TARS3: variants seen among roughly 807,000 people sequenced by gnomAD.
TARS3 encodes the protein threonyl-tRNA synthetase 3.
Under a neutral mutation model 103.5 loss-of-function variants are expected in TARS3, and 94 were observed. That is an observed-to-expected ratio of 0.91 (90% CI 0.77 to 1.08). The LOEUF (loss-of-function observed/expected upper bound fraction) is 1.08, where lower values mean the gene tolerates loss of function less well. Ranked by LOEUF, TARS3 falls within the 50% of genes least tolerant of loss-of-function variation. The probability of loss-of-function intolerance (pLI) is 0.00; values close to 1 mark genes in which losing one functional copy is unlikely to be tolerated. For synonymous variants in TARS3, 416 were observed against 355.4 expected (o/e 1.17, Z -1.92); for missense variants, 952 against 995.2 (o/e 0.96, Z 0.58).
rs1239292706 is a variant in TARS3, at chr15:101,675,505, A to G, written c.1788+95T>C. The G allele has an allele frequency of 1.3e-5, 17 of 1,267,668 alleles. No individual in the cohort carries two copies. In the African/African-American group the frequency reaches 2.4e-4, roughly 18 times the overall value. The allele number at this position is 1,267,668 out of a possible 1,614,324, so 78.5% of individuals were successfully genotyped here. On this transcript the variant is annotated intron_variant, in intron 13 of 18. Coordinates refer to ENST00000335968, the MANE Select transcript of TARS3 (RefSeq NM_152334.3). Reference sequence around the variant, plus strand: ...CATAATTTCCAGGTTCAAAATTTCTATTACAAATTATTGCATCCTCCTGTG... The same window carrying G: ...CATAATTTCCAGGTTCAAAATTTCTGTTACAAATTATTGCATCCTCCTGTG...
chr15:101,720,853 C>T lies in TARS3; in HGVS notation c.566+273G>A, dbSNP rs145724587. 1.3e-4 allele frequency among the ~76,000 whole-genome samples: 20 copies of T among 152,276 alleles called. 1 individual carries two copies. The highest frequency in any genetic ancestry group is 4.4e-5 in the Non-Finnish European group (3 of 68,016). ...ATGGTTTTATAAGGGGTTTTCCCCCCACTTTGCTCTGCACTTCTCCTTGCC... is the reference window on the plus strand; with the variant it reads ...ATGGTTTTATAAGGGGTTTTCCCCCTACTTTGCTCTGCACTTCTCCTTGCC... On this transcript the variant is annotated intron_variant, in intron 3 of 18. Coordinates refer to ENST00000335968, the MANE Select transcript of TARS3 (RefSeq NM_152334.3).
At chr15:101,712,513 T>G (rs1477856963) in intron 4 of TARS3, among the ~76,000 whole-genome samples, 1 of 152,138 alleles carries the variant, frequency 6.6e-6, no homozygotes, top group Middle Eastern at 3.2e-3. Flanking sequence ...GAATAGCATG[T>G]GACTGTGGAA....
intron 16 of TARS3, 46 bp downstream of exon 16, chr15:101,661,666 T>A (rs780738769): frequency 8.7e-7 from 1 of 1,150,928 alleles, no homozygotes; most frequent in Non-Finnish European, 1.2e-6. Flanking sequence ...TAATAAAAAT[T>A]AAAAAGAATA....
In TARS3 at chr15:101,657,055, C is replaced by T. The variant is rs1368731907; in HGVS notation, c.2146-19G>A. 4.0e-6 allele frequency: 6 copies of T among 1,488,942 alleles called. No individual in the cohort carries two copies. Among genetic ancestry groups the T allele is most frequent in the Non-Finnish European group, 5.6e-6 (6 of 1,068,690 alleles). 92.2% of individuals were successfully genotyped at this position (1,488,942 alleles called of 1,614,324 possible). A position where few individuals can be genotyped will look rare whatever the true frequency, so the allele number is the denominator to read the frequency against. ...TGGATACCTAGAAGAAAATGAAACA[C>T]CTTTACTGTTACATTATGGTACCTA... On this transcript the variant is annotated intron_variant, in intron 17 of 18. Coordinates refer to ENST00000335968, the MANE Select transcript of TARS3 (RefSeq NM_152334.3).
chr15:101,671,017 C>T (rs1011288176), intron 15 of TARS3, among the ~76,000 whole-genome samples: 1 of 152,078 alleles, frequency 6.6e-6, no homozygotes, highest in South Asian at 2.1e-4. Flanking sequence ...AGGAGCAGCA[C>T]AAGAGAACAA....
At position 101,710,117 on chromosome 15, in the gene TARS3, A is replaced by G. The variant is rs146256956; in HGVS notation, c.813-1207T>C. ...CAATGATTTAATCAATTGTGCCTCT[A>G]TAATGAAACCTCCATTAAAATCCCT... On this transcript the variant is annotated intron_variant, in intron 5 of 18. Coordinates refer to ENST00000335968, the MANE Select transcript of TARS3 (RefSeq NM_152334.3). Among the ~76,000 whole-genome samples, 251 of 152,348 alleles carry G rather than the reference A, an allele frequency of 1.6e-3. 1 individual carries two copies. Among genetic ancestry groups the G allele is most frequent in the African/African-American group, 5.7e-3 (236 of 41,580 alleles).
At chr15:101,660,055 C>T (rs1897319734) in intron 16 of TARS3, among the ~76,000 whole-genome samples, 1 of 152,092 alleles carries the variant, frequency 6.6e-6, no homozygotes, top group African/African-American at 2.4e-5. Context: ...AAGGAGGCAC[C>T]ACATGGAATC....
intron 3 of TARS3, among the ~76,000 whole-genome samples, chr15:101,717,057 C>T (rs1038435543): frequency 6.6e-6 from 1 of 152,076 alleles, no homozygotes; most frequent in Admixed American, 6.6e-5. Flanking sequence ...GGGTTTCACC[C>T]TGTTGGCCAG....
chr15:101,701,200 A>C lies in TARS3; in HGVS notation c.1222-16T>G. 1 of 1,535,970 alleles carries C rather than the reference A, an allele frequency of 6.5e-7. No individual in the cohort carries two copies. Among genetic ancestry groups the C allele is most frequent in the Non-Finnish European group, 8.8e-7 (1 of 1,132,074 alleles). ...GTTCTTGTTCCTAGATTGAAACAAAAATTGCATTTCAAATGTCATCTGCTA... is the reference window on the plus strand; with the variant it reads ...GTTCTTGTTCCTAGATTGAAACAAACATTGCATTTCAAATGTCATCTGCTA... On this transcript the variant is annotated splice_polypyrimidine_tract_variant and intron_variant, in intron 9 of 18. Transcript: ENST00000335968.
At chr15:101,721,596 G>T (rs1171216398) in intron 2 of TARS3, among the ~76,000 whole-genome samples, 1 of 152,208 alleles carries the variant, frequency 6.6e-6, no homozygotes, top group African/African-American at 2.4e-5. Context: ...CTAGGTTCAA[G>T]CGATTTTCCT....
intron 15 of TARS3, among the ~76,000 whole-genome samples, chr15:101,662,282 G>GA (rs1041154759): frequency 2.0e-5 from 3 of 151,968 alleles, no homozygotes; most frequent in African/African-American, 7.3e-5. Flanking sequence ...AAAAAAAAAT[G>GA]AAAAAAGCAA....
intron 1 of TARS3, 45 bp downstream of exon 1, chr15:101,724,046 C>G (rs1900633404): frequency 7.5e-7 from 1 of 1,332,362 alleles, no homozygotes; most frequent in Non-Finnish European, 9.6e-7. Flanking sequence ...ACCGTCTCGG[C>G]CCGCCCCGCC....
intron 16 of TARS3, among the ~76,000 whole-genome samples, chr15:101,660,604 T>C (rs1177036707): frequency 6.6e-6 from 1 of 152,232 alleles, no homozygotes; most frequent in Non-Finnish European, 1.5e-5. Context: ...GCTCCTTACA[T>C]GATGAAAGGG....
intron 7 of TARS3, among the ~76,000 whole-genome samples, chr15:101,704,527 C>T (rs55832348): frequency 0.042 from 6,408 of 151,708 alleles, 397 homozygotes; most frequent in African/African-American, 0.13. Flanking sequence ...TGGTGGTGGG[C>T]GCCTGTAATC....
intron 17 of TARS3, among the ~76,000 whole-genome samples, 159 bp from the exon 18 acceptor site, chr15:101,657,195 C>T (rs1291287811): frequency 6.6e-6 from 1 of 152,180 alleles, no homozygotes; most frequent in Non-Finnish European, 1.5e-5. Flanking sequence ...GAAGTGTCGG[C>T]GCATCGTTTC....
At chr15:101,705,866 C>T (rs183016213) in intron 6 of TARS3, 119 bp from the exon 7 acceptor site, 43 of 844,708 alleles carry the variant, frequency 5.1e-5, no homozygotes, top group East Asian at 3.2e-4. Context: ...TGCTGAGACA[C>T]GAGGGATACA....
intron 10 of TARS3, among the ~76,000 whole-genome samples, chr15:101,697,621 C>G (rs1288872987): frequency 6.6e-6 from 1 of 152,106 alleles, no homozygotes; most frequent in African/African-American, 2.4e-5. Context: ...AAAAGACTCA[C>G]GAGGCTTCAG....
rs545095657 is a variant in TARS3, at chr15:101,659,809, A to T, written c.2072+1903T>A. On this transcript the variant is annotated intron_variant, in intron 16 of 18. Transcript: ENST00000335968. ...TAACTGTAACTTCAACAGCTTAGAA[A>T]CTCCATGATACCTAAGTATATTTCT... Among the ~76,000 whole-genome samples the T allele has an allele frequency of 2.6e-5, 4 of 152,234 alleles. No homozygotes were observed. In the East Asian group the frequency reaches 5.8e-4, roughly 22 times the overall value.
In TARS3 at chr15:101,701,073, A is replaced by G. The variant is rs774686249; in HGVS notation, c.1320+13T>C. The G allele has an allele frequency of 2.7e-6, 4 of 1,476,214 alleles. No homozygotes were observed. Among genetic ancestry groups the G allele is most frequent in the South Asian group, 2.6e-5 (2 of 75,678 alleles). The allele number at this position is 1,476,214 out of a possible 1,614,324, so 91.4% of individuals were successfully genotyped here. A position where few individuals can be genotyped will look rare whatever the true frequency, so the allele number is the denominator to read the frequency against. ...GAATTGAATAAGAATAAAACATTTT[A>G]AAGTTAACTTACTCGTATGAAATCT... On this transcript the variant is annotated intron_variant, in intron 10 of 18. Coordinates refer to ENST00000335968, the MANE Select transcript of TARS3 (RefSeq NM_152334.3).
Sources: allele counts gnomAD v4.1 joint callset (sites outside exome capture counted in the v4.1 genomes callset), GRCh38; gene constraint gnomAD v4.1.1; transcripts MANE v1.5; gene names NCBI Gene and HGNC (gene_info 2026-07-23, HGNC 2026-07-21).